Variants in ANKRD24 observed in about 807,000 individuals in gnomAD.
ANKRD24 encodes ankyrin repeat domain 24.
ANKRD24 carries 109 observed loss-of-function variants against 127.8 expected under a neutral mutation model. The ratio of observed to expected loss-of-function variants is 0.85; its 90% confidence interval spans 0.73 to 1.00. The LOEUF (loss-of-function observed/expected upper bound fraction) is 1.00. Ranked by LOEUF, ANKRD24 falls within the 50% of genes least tolerant of loss-of-function variation. The pLI is 0.00. For synonymous variants in ANKRD24, 743 were observed against 671.1 expected (o/e 1.11, Z -1.66); for missense variants, 1,648 against 1,570.2 (o/e 1.05, Z -0.84).
In ANKRD24 at chr19:4,195,628, T is replaced by C. The variant is rs375938630; in HGVS notation, c.37-4055T>C. On this transcript the variant is annotated intron_variant, in intron 2 of 21. Coordinates refer to ENST00000318934, the MANE Select transcript of ANKRD24 (RefSeq NM_001393985.1). The surrounding 1 kb of genome is among the most constrained non-coding windows in gnomAD (Gnocchi z 4.2). The stretch of plus-strand genomic sequence containing the variant: ...ACATGTCTAAGAGGGCCGGGCGCAG[T>C]GGCTCACGCCTGTAATCCCAACACT... Among the ~76,000 whole-genome samples, 19 of 152,276 alleles carry C rather than the reference T, an allele frequency of 1.2e-4. 1 individual carries two copies. The highest frequency in any genetic ancestry group is 4.3e-4 in the African/African-American group (18 of 41,576).
chr19:4,189,243 C>CTTTTTTTTTTTTTTTTTTTTTTTT (rs398033749), intron 2 of ANKRD24, among the ~76,000 whole-genome samples: 3 of 73,952 alleles, frequency 4.1e-5, no homozygotes, highest in Non-Finnish European at 5.0e-5. Flanking sequence ...TTTCTTTCTT[C>CTTTTTTTTTTTTTTTTTTTTTTTT]TTTTTTTTTT....
intron 1 of ANKRD24, among the ~76,000 whole-genome samples, chr19:4,183,635 C>T (rs1287262743): frequency 2.6e-5 from 4 of 151,954 alleles, no homozygotes; most frequent in African/African-American, 9.7e-5. Flanking sequence ...GTGAGTGAGC[C>T]GGGCGCAGTG....
chr19:4,186,956 C>T (rs749237351), intron 2 of ANKRD24, among the ~76,000 whole-genome samples: 11 of 151,974 alleles, frequency 7.2e-5, no homozygotes, highest in African/African-American at 1.7e-4. Context: ...GAGATGAACA[C>T]GAAACAAGAT....
intron 15 of ANKRD24, 41 bp downstream of exon 15, chr19:4,212,739 C>A: frequency 1.3e-6 from 2 of 1,515,246 alleles, no homozygotes; most frequent in South Asian, 2.5e-5. Flanking sequence ...GGGGCTGGGT[C>A]GGGGAACTTC....
intron 12 of ANKRD24, 30 bp downstream of exon 12, chr19:4,210,168 C>T: frequency 6.3e-7 from 1 of 1,584,756 alleles, no homozygotes; most frequent in Non-Finnish European, 8.6e-7. Context: ...CGGGAGGAGG[C>T]ATGGGGAGCC....
At chr19:4,210,993 C>T (rs550317800) in intron 13 of ANKRD24, among the ~76,000 whole-genome samples, 3 of 151,856 alleles carry the variant, frequency 2.0e-5, no homozygotes, top group Admixed American at 2.0e-4. Context: ...ACCACCACAT[C>T]CAGCTAGTTT....
rs1453334820 is a variant in ANKRD24 at position 4,218,018 on chromosome 19, A to T, written c.2858A>T (p.Glu953Val). 6.4e-7 allele frequency: 1 copy of T among 1,553,168 alleles called. No homozygotes were observed. The highest frequency in any genetic ancestry group is 8.6e-7 in the Non-Finnish European group (1 of 1,156,118). ...TGKEAARLRA[E>V]LERERVCSVA... is the part of the protein sequence containing the mutation. ...AAGGAGGCCGCCCGGCTGCGCGCGG[A>T]GCTGGAGCGGGAGCGTGTGTGCAGC... Residue 953 changes from glutamate (E) to valine (V), a missense_variant, in exon 18 of 22, where the codon GAG becomes GTG. Physicochemically the swap from Glu to Val is moderately radical, Grantham distance 121 (BLOSUM62 -2). Coordinates refer to ENST00000318934, the MANE Select transcript of ANKRD24 (RefSeq NM_001393985.1).
At chr19:4,194,928 G>A (rs1968611249) in intron 2 of ANKRD24, among the ~76,000 whole-genome samples, 1 of 152,054 alleles carries the variant, frequency 6.6e-6, no homozygotes, top group Non-Finnish European at 1.5e-5. Flanking sequence ...AGTATCCATG[G>A]TACACACCTC....
Position 4,199,619 on chromosome 19 carries a change from G to A in ANKRD24, c.37-64G>A. ...GTGATGGGCCTGGGGGCAGATGCTG[G>A]GGGTCGCAGGCTTGGGGGACACTGT... On this transcript the variant is annotated intron_variant, in intron 2 of 21. Transcript: ENST00000318934. This position sits in a 1 kb window ranked among gnomAD's most constrained non-coding sequence, Gnocchi z 5.2. 1 of 1,473,266 alleles carries A rather than the reference G, an allele frequency of 6.8e-7. No homozygotes were observed. The highest frequency in any genetic ancestry group is 8.9e-7 in the Non-Finnish European group (1 of 1,117,620). 91.3% of individuals were successfully genotyped at this position (1,473,266 alleles called of 1,614,324 possible).
rs950232239 is a variant in ANKRD24, at chr19:4,217,854, C to T, written c.2694C>T (p.Gly898=). 3.4e-6 allele frequency: 5 copies of T among 1,451,250 alleles called. No homozygotes were observed. The highest frequency in any genetic ancestry group is 3.6e-6 in the Non-Finnish European group (4 of 1,108,246). 89.9% of individuals were successfully genotyped at this position (1,451,250 alleles called of 1,614,324 possible). ...LPAACEEARQ[G]LAELREASEA... Reference sequence around the variant, plus strand: ...CGGCCTGCGAGGAGGCGCGGCAGGGCCTGGCCGAGCTGCGGGAGGCCTCCG... The same window carrying T: ...CGGCCTGCGAGGAGGCGCGGCAGGGTCTGGCCGAGCTGCGGGAGGCCTCCG... Residue 898 remains glycine (G), a synonymous_variant, in exon 18 of 22, where the codon GGC becomes GGT. Coordinates refer to ENST00000318934, the MANE Select transcript of ANKRD24 (RefSeq NM_001393985.1).
At chr19:4,219,411 G>C (rs963184032) in intron 18 of ANKRD24, among the ~76,000 whole-genome samples, 180 bp from the exon 19 acceptor site, 3 of 152,110 alleles carry the variant, frequency 2.0e-5, no homozygotes, top group African/African-American at 4.8e-5. Context: ...AGGCTACAGT[G>C]AGCCATGATC....
rs1429838643 is a variant in ANKRD24, at chr19:4,200,141, G to A, written c.313G>A (p.Gly105Ser). 1 of 1,607,548 alleles carries A rather than the reference G, an allele frequency of 6.2e-7. No homozygotes were observed. Among genetic ancestry groups the A allele is most frequent in the Admixed American group, 1.7e-5 (1 of 59,106 alleles). ...CTGTCTGGAGGTGATGATAGCTCAT[G>A]GCAGCAATGTCATGAGCGCGGACGG... ...ASCLEVMIAHGSNVMSADGAG... is the reference protein window; with the variant it reads ...ASCLEVMIAHSSNVMSADGAG... Residue 105 changes from glycine to serine, a missense_variant, in exon 5 of 22, where the codon GGC (glycine) becomes AGC (serine). Physicochemically the swap from Gly to Ser is moderately conservative, Grantham distance 56. Transcript: ENST00000318934.
In ANKRD24 at chr19:4,216,641, C is replaced by A; in HGVS notation, c.1481C>A (p.Ala494Asp). ...CTTGCCCTCTATGACTCTCTCCGGGCCGAGTTTGACCAGCTACGCAGGCAG... is the reference window on the plus strand; with the variant it reads ...CTTGCCCTCTATGACTCTCTCCGGGACGAGTTTGACCAGCTACGCAGGCAG... ...IPLALYDSLR[A>D]EFDQLRRQHA... Residue 494 changes from alanine (A) to aspartate (D), a missense_variant, in exon 18 of 22, where the codon GCC becomes GAC. By Grantham distance (126) the Ala-to-Asp change is moderately radical (BLOSUM62 -2). Transcript: ENST00000318934. 1.2e-6 allele frequency: 2 copies of A among 1,606,818 alleles called. No homozygotes were observed. Among genetic ancestry groups the A allele is most frequent in the South Asian group, 1.1e-5 (1 of 89,548 alleles).
intron 2 of ANKRD24, among the ~76,000 whole-genome samples, chr19:4,197,719 G>A (rs1968829275): frequency 6.6e-6 from 1 of 152,222 alleles, no homozygotes; most frequent in South Asian, 2.1e-4. Context: ...GTGAATGAAT[G>A]AAAGGGTGAG....
At chr19:4,215,602 GAAAAAA>G in intron 15 of ANKRD24, among the ~76,000 whole-genome samples, 2 of 135,474 alleles carry the variant, frequency 1.5e-5, no homozygotes, top group South Asian at 2.5e-4. Flanking sequence ...CCGCATCTCT[GAAAAAA>G]AAAAAAAAAA....
intron 6 of ANKRD24, 121 bp from the exon 7 acceptor site, chr19:4,202,748 C>G (rs1387286687): frequency 1.9e-6 from 2 of 1,045,246 alleles, no homozygotes; most frequent in African/African-American, 3.2e-5. Flanking sequence ...AATGGAGTCC[C>G]TTGGGGGCCA....
In ANKRD24 at chr19:4,217,867, C is replaced by A. The variant is rs534879406; in HGVS notation, c.2707C>A (p.Arg903=). 3.9e-4 allele frequency: 574 copies of A among 1,459,048 alleles called. 8 individuals carry two copies. The South Asian group carries it at 5.7e-3, about 15-fold the overall frequency. 90.4% of individuals were successfully genotyped at this position (1,459,048 alleles called of 1,614,324 possible). A position where few individuals can be genotyped will look rare whatever the true frequency, so the allele number is the denominator to read the frequency against. The stretch of plus-strand genomic sequence containing the variant: ...GGCGCGGCAGGGCCTGGCCGAGCTG[C>A]GGGAGGCCTCCGAGGCCCTCCGCCA... ...EEARQGLAEL[R]EASEALRQSV... Residue 903 remains arginine (R), a synonymous_variant, in exon 18 of 22, where the codon CGG becomes AGG. Coordinates refer to ENST00000318934, the MANE Select transcript of ANKRD24 (RefSeq NM_001393985.1).
intron 2 of ANKRD24, among the ~76,000 whole-genome samples, chr19:4,193,850 A>T (rs972161547): frequency 3.1e-4 from 12 of 38,374 alleles, no homozygotes; most frequent in South Asian, 1.0e-3. Context: ...GGAGGGAGGA[A>T]GGAAGGAAGG....
In ANKRD24 at chr19:4,199,748, G is replaced by A. The variant is rs376097321; in HGVS notation, c.102G>A (p.Pro34=). 9.5e-5 allele frequency: 146 copies of A among 1,537,102 alleles called. No homozygotes were observed. The highest frequency in any genetic ancestry group is 1.2e-4 in the Non-Finnish European group (135 of 1,144,268). The change falls in exon 3 of 22, where the codon CCG becomes CCA. Residue 34 remains proline, a synonymous_variant. Transcript: ENST00000318934. The surrounding 1 kb of genome is among the most constrained non-coding windows in gnomAD (Gnocchi z 5.2). ...PPCGPCPIPK[P]AARGRRQSQD... ...GCGGCCCCTGCCCCATCCCGAAGCC[G>A]GCAGCCAGAGGCAGGCGCCAGGCAA... is the stretch of plus-strand genomic sequence containing the variant.
Sources: gnomAD v4.1 joint callset for allele counts (sites outside exome capture counted in the v4.1 genomes callset) on GRCh38, gnomAD v4.1.1 for gene constraint, Gnocchi (gnomAD v3.1) non-coding constraint, MANE v1.5 for transcripts, NCBI Gene and HGNC (gene_info 2026-07-23, HGNC 2026-07-21) for gene names.